STK3: variants seen among roughly 807,000 people sequenced by gnomAD.
STK3 encodes serine/threonine-protein kinase 3.
STK3 carries 41 observed loss-of-function variants against 58.0 expected under a neutral mutation model. That is an observed-to-expected ratio of 0.71 (90% CI 0.55 to 0.92). STK3 has a LOEUF of 0.92. Among genes scored for constraint, STK3 ranks in the 40% least tolerant of loss-of-function variants. The pLI, the probability that STK3 is intolerant of heterozygous loss-of-function variation, is 0.00. For synonymous variants in STK3, 170 were observed against 191.0 expected, an observed-to-expected ratio of 0.89 and a Z score of 0.91; for missense variants, 479 against 602.7, an observed-to-expected ratio of 0.79 and a Z score of 2.15.
intron 3 of STK3, among the ~76,000 whole-genome samples, chr8:98,854,437 C>A (rs1212897722): frequency 6.6e-6 from 1 of 151,964 alleles, no homozygotes; most frequent in Admixed American, 6.6e-5. Flanking sequence ...CCATGCCGGG[C>A]CTAAAACTAT....
At position 98,912,975 on chromosome 8, in the gene STK3, C is replaced by T. The variant is rs1408975786; in HGVS notation, c.-78-29141G>A. Among the ~76,000 whole-genome samples, 8 of 152,258 alleles carry T rather than the reference C, an allele frequency of 5.3e-5. No homozygotes were observed. The East Asian group carries it at 1.3e-3, about 26-fold the overall frequency. On this transcript the variant is annotated intron_variant, in intron 1 of 1. Transcript: ENST00000519420. ...CCAGGCTGGAGTGCAGTGGCATGAT[C>T]TTGCCTCATGCAGCCTCCACCTCCT...
intron 3 of STK3, among the ~76,000 whole-genome samples, chr8:98,852,281 C>T (rs1028525773): frequency 6.6e-6 from 1 of 151,988 alleles, no homozygotes; most frequent in African/African-American, 2.4e-5. Flanking sequence ...ATTACAGGTG[C>T]CCACACCATG....
intron 10 of STK3, among the ~76,000 whole-genome samples, chr8:98,487,432 GAA>G (rs780796559): frequency 2.6e-5 from 4 of 152,154 alleles, no homozygotes; most frequent in Non-Finnish European, 5.9e-5. Context: ...ACTAGAAAAT[GAA>G]AACTCGGAAA....
In STK3 at chr8:98,556,644, C is replaced by G. The variant is rs185258375; in HGVS notation, c.949-8483G>C. Among the ~76,000 whole-genome samples the G allele has an allele frequency of 6.7e-4, 102 of 152,032 alleles. 1 individual carries two copies. The highest frequency in any genetic ancestry group is 2.1e-3 in the African/African-American group (88 of 41,490). ...TCATGGATGCTTTCAACACTGGGAGCCCAGCATAAGTTGCTTGGCAAAGGA... is the reference window on the plus strand; with the variant it reads ...TCATGGATGCTTTCAACACTGGGAGGCCAGCATAAGTTGCTTGGCAAAGGA... On this transcript the variant is annotated intron_variant, in intron 8 of 10. Transcript: ENST00000419617.
chr8:98,925,033 T>C (rs1839731074), intron 1 of STK3, among the ~76,000 whole-genome samples: 1 of 152,208 alleles, frequency 6.6e-6, no homozygotes, highest in Non-Finnish European at 1.5e-5. Context: ...AGGTTTCCTC[T>C]GAAATGTCAT....
At position 98,436,237 on chromosome 8, in the gene STK3, C is replaced by T. The variant is rs905605230; in HGVS notation, n.291+866G>A. Among the ~76,000 whole-genome samples the T allele has an allele frequency of 2.0e-5, 3 of 152,240 alleles. No homozygotes were observed. The East Asian group carries it at 5.8e-4, about 29-fold the overall frequency. ...CTTCTCCTCTGACCCCTCCCTCTTCCATTTCTCCCACAGCTCTGTCCACAG... is the reference window on the plus strand; with the variant it reads ...CTTCTCCTCTGACCCCTCCCTCTTCTATTTCTCCCACAGCTCTGTCCACAG... On this transcript the variant is annotated intron_variant and non_coding_transcript_variant, in intron 2 of 3. Transcript: ENST00000517832.
At chr8:98,419,590 G>A (rs1048376259) in intron 3 of STK3, among the ~76,000 whole-genome samples, 7 of 152,216 alleles carry the variant, frequency 4.6e-5, no homozygotes, top group Non-Finnish European at 1.0e-4. Flanking sequence ...ATCCTGGGCT[G>A]CATCCTGGAC....
At chr8:98,602,041 C>T (rs1816393932) in intron 6 of STK3, 1 of 152,156 alleles carries the variant, frequency 6.6e-6, no homozygotes, top group South Asian at 2.1e-4. Flanking sequence ...ACATGGAGAA[C>T]CACTATTCTA....
chr8:98,458,118 C>T (rs1014596599), intron 10 of STK3, among the ~76,000 whole-genome samples: 40 of 149,914 alleles, frequency 2.7e-4, no homozygotes, highest in Admixed American at 2.3e-3. Context: ...CACATATACA[C>T]ACACACACAC....
chr8:98,763,082 T>C (rs954472647), intron 3 of STK3, among the ~76,000 whole-genome samples: 1 of 152,190 alleles, frequency 6.6e-6, no homozygotes, highest in Non-Finnish European at 1.5e-5. Flanking sequence ...ATAAAAAAGA[T>C]AAAAGCAATA....
At chr8:98,674,269 A>G (rs1442682060) in intron 6 of STK3, among the ~76,000 whole-genome samples, 1 of 152,164 alleles carries the variant, frequency 6.6e-6, no homozygotes, top group Non-Finnish European at 1.5e-5. Context: ...TTAACCCCAC[A>G]AATTATAAAT....
intron 6 of STK3, among the ~76,000 whole-genome samples, chr8:98,693,234 A>C (rs1824543388): frequency 6.6e-6 from 1 of 152,000 alleles, no homozygotes; most frequent in Non-Finnish European, 1.5e-5. Flanking sequence ...CATCTCCACA[A>C]AAAAAATATA....
intron 6 of STK3, among the ~76,000 whole-genome samples, chr8:98,695,012 G>C (rs1478266677): frequency 1.3e-5 from 2 of 152,126 alleles, no homozygotes; most frequent in African/African-American, 2.4e-5. Context: ...TCCAGCACCT[G>C]TTGTTTCCTG....
At chr8:98,365,375 T>C in the STK3 span, among the ~76,000 whole-genome samples, 1 of 152,178 alleles carries the variant, frequency 6.6e-6, no homozygotes, top group Non-Finnish European at 1.5e-5. Flanking sequence ...CAAGAAGTTG[T>C]TCCCATGATT....
intron 1 of STK3, among the ~76,000 whole-genome samples, chr8:98,783,004 A>G (rs1359771917): frequency 6.6e-6 from 1 of 152,048 alleles, no homozygotes; most frequent in Non-Finnish European, 1.5e-5. Context: ...TAAAACACAC[A>G]AAGAGAGAAA....
intron 1 of STK3, among the ~76,000 whole-genome samples, chr8:98,924,541 G>T (rs1839711373): frequency 6.6e-6 from 1 of 152,130 alleles, no homozygotes; most frequent in Non-Finnish European, 1.5e-5. Context: ...AGGAACCAAT[G>T]GATTTCTTCC....
At chr8:98,641,922 T>A (rs1820052395) in intron 6 of STK3, among the ~76,000 whole-genome samples, 1 of 152,212 alleles carries the variant, frequency 6.6e-6, no homozygotes, top group Admixed American at 6.5e-5. Flanking sequence ...TAGAGGTAAA[T>A]CAAGGTGCTG....
the STK3 span, among the ~76,000 whole-genome samples, chr8:98,358,550 C>A: frequency 6.6e-6 from 1 of 152,096 alleles, no homozygotes; most frequent in African/African-American, 2.4e-5. Context: ...GGATGGTGTT[C>A]CCTGCATTTT....
At chr8:98,808,414 T>C (rs2131664112) in intron 1 of STK3, among the ~76,000 whole-genome samples, 1 of 152,338 alleles carries the variant, frequency 6.6e-6, no homozygotes, top group South Asian at 2.1e-4. Context: ...GTTTCCAACC[T>C]TGGAACAGCA....
Sources: gnomAD v4.1 joint callset for allele counts (sites outside exome capture counted in the v4.1 genomes callset) on GRCh38, gnomAD v4.1.1 for gene constraint, MANE v1.5 for transcripts, NCBI Gene and HGNC (gene_info 2026-07-23, HGNC 2026-07-21) for gene names.